Variants in KIAA0232 observed in about 807,000 individuals in gnomAD.
KIAA0232 encodes the protein uncharacterized protein KIAA0232.
In KIAA0232, 27 loss-of-function variants were observed where a neutral mutation model predicts 122.0. The ratio of observed to expected loss-of-function variants is 0.22; its 90% CI spans 0.16 to 0.31. The LOEUF is 0.31. KIAA0232 is among the 10% of genes least tolerant of loss of function. The pLI is 1.00. For synonymous variants in KIAA0232, 613 were observed against 587.6 expected, an observed-to-expected ratio of 1.04 and a Z score of -0.63; for missense variants, 1,551 against 1,634.2, an observed-to-expected ratio of 0.95 and a Z score of 0.88.
chr4:6,862,854 T>C lies in KIAA0232; in HGVS notation c.2472T>C (p.Val824=). ...ATGGAGATGGCTACAGCTCAGGGGT[T>C]ATTAAAGACATTTGGACAAAGATGG... ...SPHGDGYSSG[V]IKDIWTKMAD... The change falls in exon 7 of 10, where the codon GTT becomes GTC. Residue 824 remains valine (V), a synonymous_variant. Coordinates refer to ENST00000307659, the MANE Select transcript of KIAA0232 (RefSeq NM_014743.3). 6.2e-7 allele frequency: 1 copy of C among 1,614,194 alleles called. No homozygotes were observed. Among genetic ancestry groups the C allele is most frequent in the Non-Finnish European group, 8.5e-7 (1 of 1,180,022 alleles).
chr4:6,852,012 T>C (rs1422428901), intron 4 of KIAA0232, among the ~76,000 whole-genome samples: 1 of 152,190 alleles, frequency 6.6e-6, no homozygotes, highest in African/African-American at 2.4e-5. Flanking sequence ...CAGTTTGATA[T>C]CCTCTATTTT....
chr4:6,876,142 T>G (rs1251535774), intron 8 of KIAA0232, among the ~76,000 whole-genome samples: 1 of 152,220 alleles, frequency 6.6e-6, no homozygotes, highest in Non-Finnish European at 1.5e-5. Context: ...TTCATAGATG[T>G]GATACATGGT....
rs1721969300 is a variant in KIAA0232 at position 6,879,840 on chromosome 4, T to C, written c.4009-947T>C. Among the ~76,000 whole-genome samples the C allele has an allele frequency of 5.8e-5, 8 of 137,566 alleles. 2 individuals are homozygous for C. The South Asian group carries it at 9.5e-4, about 16-fold the overall frequency. 90.2% of individuals were successfully genotyped at this position (137,566 alleles called of 152,430 possible). A position where few individuals can be genotyped will look rare whatever the true frequency, so the allele number is the denominator to read the frequency against. On this transcript the variant is annotated intron_variant, in intron 9 of 9. Coordinates refer to ENST00000307659, the MANE Select transcript of KIAA0232 (RefSeq NM_014743.3). ...ATCTGCAGTGCCCCCCCTCACCATC[T>C]GTACTGTGTCACTGCAAACTCCCTT...
intron 2 of KIAA0232, among the ~76,000 whole-genome samples, chr4:6,812,143 C>T (rs759710151): frequency 3.2e-4 from 49 of 152,166 alleles, no homozygotes; most frequent in African/African-American, 1.1e-3. Context: ...CCTCCTGGAA[C>T]GTGGGGAGGG....
chr4:6,790,915 C>CTTTTTTT (rs35766310), intron 1 of KIAA0232, among the ~76,000 whole-genome samples: 5 of 92,940 alleles, frequency 5.4e-5, no homozygotes, highest in Admixed American at 1.3e-4. Context: ...TTTTTATATA[C>CTTTTTTT]TTTTTTTTTT....
At chr4:6,840,359 G>T (rs998446084) in intron 3 of KIAA0232, among the ~76,000 whole-genome samples, 2 of 152,178 alleles carry the variant, frequency 1.3e-5, no homozygotes, top group African/African-American at 4.8e-5. Context: ...GGATGATGGG[G>T]GTAGTGTTAA....
At chr4:6,815,788 T>A (rs947730416) in intron 2 of KIAA0232, among the ~76,000 whole-genome samples, 1 of 152,176 alleles carries the variant, frequency 6.6e-6, no homozygotes, top group Non-Finnish European at 1.5e-5. Flanking sequence ...GCAATCAGAT[T>A]TTGGACAAGT....
intron 4 of KIAA0232, among the ~76,000 whole-genome samples, chr4:6,845,055 ACT>A (rs1309497409): frequency 1.3e-5 from 2 of 152,008 alleles, no homozygotes; most frequent in East Asian, 3.9e-4. Flanking sequence ...CTCTGTCCAA[ACT>A]CTGGTTTTCT....
intron 1 of KIAA0232, among the ~76,000 whole-genome samples, chr4:6,803,972 G>A (rs775525850): frequency 6.6e-6 from 1 of 152,206 alleles, no homozygotes; most frequent in Non-Finnish European, 1.5e-5. Flanking sequence ...TTTGTTAAGT[G>A]TGGCACTTTG....
chr4:6,843,673 G>A (rs1719784200), intron 4 of KIAA0232, among the ~76,000 whole-genome samples: 1 of 152,074 alleles, frequency 6.6e-6, no homozygotes, highest in Non-Finnish European at 1.5e-5. Flanking sequence ...CGGAGGCTGA[G>A]GCAGGAGAAT....
chr4:6,878,825 A>G (rs1721899556), intron 9 of KIAA0232, among the ~76,000 whole-genome samples: 1 of 152,162 alleles, frequency 6.6e-6, no homozygotes, highest in Non-Finnish European at 1.5e-5. Context: ...AAGTCCTGTG[A>G]GAACTGTCTG....
chr4:6,838,910 C>T (rs1203756247), intron 3 of KIAA0232, among the ~76,000 whole-genome samples: 2 of 152,114 alleles, frequency 1.3e-5, no homozygotes, highest in African/African-American at 4.8e-5. Flanking sequence ...GGGCAGATCA[C>T]TTGAGGCCAG....
intron 9 of KIAA0232, among the ~76,000 whole-genome samples, chr4:6,878,069 T>A (rs1454520486): frequency 6.6e-6 from 1 of 152,170 alleles, no homozygotes; most frequent in African/African-American, 2.4e-5. Flanking sequence ...TAAATGCTGA[T>A]ATGAAGTCAA....
intron 3 of KIAA0232, among the ~76,000 whole-genome samples, chr4:6,832,268 T>G (rs1470630469): frequency 6.6e-6 from 1 of 152,144 alleles, no homozygotes; most frequent in Non-Finnish European, 1.5e-5. Context: ...TTCATGACAT[T>G]TTTTATTACC....
intron 8 of KIAA0232, among the ~76,000 whole-genome samples, chr4:6,872,016 G>A (rs560815610): frequency 1.1e-4 from 17 of 152,324 alleles, no homozygotes; most frequent in African/African-American, 3.1e-4. Context: ...GAGGGTCGCC[G>A]CCAGGGGAAA....
intron 2 of KIAA0232, among the ~76,000 whole-genome samples, chr4:6,819,929 T>C (rs747838540): frequency 2.0e-5 from 3 of 151,988 alleles, no homozygotes; most frequent in Non-Finnish European, 4.4e-5. Flanking sequence ...AAAAAAAGAA[T>C]GAAACCATGT....
intron 2 of KIAA0232, among the ~76,000 whole-genome samples, chr4:6,809,538 A>G (rs981121377): frequency 2.0e-5 from 3 of 152,222 alleles, no homozygotes; most frequent in African/African-American, 7.2e-5. Context: ...ATGAACACAT[A>G]GTATGAGAAG....
intron 6 of KIAA0232, among the ~76,000 whole-genome samples, chr4:6,859,934 G>A (rs1720767604): frequency 6.6e-6 from 1 of 152,158 alleles, no homozygotes; most frequent in Admixed American, 6.5e-5. Flanking sequence ...CATTTCTGGT[G>A]ATCACAGCTC....
intron 7 of KIAA0232, among the ~76,000 whole-genome samples, chr4:6,868,670 A>G (rs150976299): frequency 2.0e-5 from 3 of 152,288 alleles, no homozygotes; most frequent in Admixed American, 6.5e-5. Flanking sequence ...AGCTTCCTCC[A>G]TTGTCTCTTC....
Sources: allele counts gnomAD v4.1 joint callset (sites outside exome capture counted in the v4.1 genomes callset), GRCh38; gene constraint gnomAD v4.1.1; transcripts MANE v1.5; gene names NCBI Gene and HGNC (gene_info 2026-07-23, HGNC 2026-07-21).